Variants in INSR observed in about 807,000 individuals in gnomAD.
The protein encoded by INSR is IR.
A neutral mutation model predicts 142.6 loss-of-function variants in INSR; 67 were observed. The observed-to-expected ratio is 0.47, with a 90% CI of 0.39 to 0.58. The LOEUF (loss-of-function observed/expected upper bound fraction) is 0.58, where lower values mean the gene tolerates loss of function less well. Ranked by LOEUF, INSR falls within the 20% of genes least tolerant of loss-of-function variation. INSR has a pLI of 0.00. For missense variants in INSR, 1,248 were observed against 1,833.2 expected (o/e 0.68, Z 5.83); for synonymous variants, 756 against 743.1 (o/e 1.02, Z -0.28).
In INSR at chr19:7,114,263, G is replaced by A. The variant is rs9282760; in HGVS notation, c.*2793C>T. ...CACTTCAGGGGGATTCCATGGAACA[G>A]GTGGGAATGCTTGCTCTGAATCAAA... On this transcript the variant is annotated 3_prime_UTR_variant, in exon 22 of 22. Transcript: ENST00000302850. 2 of 152,166 alleles carry A rather than the reference G, an allele frequency of 1.3e-5. No homozygotes were observed. The highest frequency in any genetic ancestry group is 1.5e-5 in the Non-Finnish European group (1 of 68,070). The allele number at this position is 152,166 out of a possible 1,614,324, so 9.4% of individuals were successfully genotyped here. A position where few individuals can be genotyped will look rare whatever the true frequency, so the allele number is the denominator to read the frequency against.
intron 11 of INSR, among the ~76,000 whole-genome samples, chr19:7,149,850 G>A (rs1037409024): frequency 2.0e-5 from 3 of 149,816 alleles, no homozygotes; most frequent in African/African-American, 7.4e-5. Context: ...AAAGAAGGAA[G>A]GGAGGGAGGG....
chr19:7,117,998 C>T (rs1972379834), intron 21 of INSR, among the ~76,000 whole-genome samples: 1 of 151,722 alleles, frequency 6.6e-6, no homozygotes, highest in Non-Finnish European at 1.5e-5. Flanking sequence ...CCTTGAACTC[C>T]TGGGCTCAAG....
chr19:7,270,339 T>TCACACA (rs1178953100), intron 1 of INSR, among the ~76,000 whole-genome samples: 1,552 of 120,246 alleles, frequency 0.013, 39 homozygotes, highest in African/African-American at 0.046. Flanking sequence ...TCTCTCTCTC[T>TCACACA]CACACACACA....
intron 13 of INSR, among the ~76,000 whole-genome samples, chr19:7,133,454 G>T (rs1190565867): frequency 6.6e-6 from 1 of 152,118 alleles, no homozygotes; most frequent in East Asian, 1.9e-4. Context: ...TGTGTTATTA[G>T]CTATAGTCAC....
chr19:7,129,066 C>T (rs1972715533), intron 14 of INSR, 112 bp from the exon 15 acceptor site: 3 of 787,022 alleles, frequency 3.8e-6, no homozygotes, highest in Non-Finnish European at 6.5e-6. Flanking sequence ...CCTTCCCTCC[C>T]TTGTCCATAA....
At chr19:7,149,820 C>CA (rs200203455) in intron 11 of INSR, among the ~76,000 whole-genome samples, 4,327 of 142,880 alleles carry the variant, frequency 0.03, 222 homozygotes, top group African/African-American at 0.093. Flanking sequence ...GAAATTCCAT[C>CA]CAAAAAAAAA....
intron 2 of INSR, among the ~76,000 whole-genome samples, chr19:7,200,001 AATGTGTGAATCACTCGGGCT>A (rs1232438069): frequency 6.6e-6 from 1 of 152,164 alleles, no homozygotes; most frequent in East Asian, 1.9e-4. Context: ...AGTACATGCA[AATGTGTGAATCACTCGGGCT>A]ATGTTCAGAG....
chr19:7,222,127 T>A (rs1314056333), intron 2 of INSR, among the ~76,000 whole-genome samples: 12 of 126,282 alleles, frequency 9.5e-5, no homozygotes, highest in African/African-American at 1.2e-4. Flanking sequence ...ATGTCCTCGG[T>A]AAAAAAAAAA....
chr19:7,261,403 C>T (rs930882116), intron 2 of INSR, among the ~76,000 whole-genome samples: 7 of 152,160 alleles, frequency 4.6e-5, no homozygotes, highest in Non-Finnish European at 1.0e-4. Context: ...TGTAAGGCTT[C>T]GTGCATTGGA....
intron 2 of INSR, among the ~76,000 whole-genome samples, chr19:7,210,756 G>A (rs1975250917): frequency 6.6e-6 from 1 of 152,098 alleles, no homozygotes; most frequent in Non-Finnish European, 1.5e-5. Flanking sequence ...GAGAGACAGA[G>A]TCTTACTCTG....
intron 2 of INSR, among the ~76,000 whole-genome samples, chr19:7,256,822 T>G (rs537448445): frequency 1.0e-3 from 152 of 150,158 alleles, no homozygotes; most frequent in Non-Finnish European, 2.0e-3. Context: ...TTTTTTTGTT[T>G]GTTTCTCTCC....
intron 11 of INSR, among the ~76,000 whole-genome samples, chr19:7,148,445 T>C (rs1251263838): frequency 6.6e-6 from 1 of 150,806 alleles, no homozygotes; most frequent in Admixed American, 6.6e-5. Context: ...CCAAATATTA[T>C]TTATTATTAT....
At chr19:7,207,479 T>A (rs189918580) in intron 2 of INSR, among the ~76,000 whole-genome samples, 1 of 151,956 alleles carries the variant, frequency 6.6e-6, no homozygotes, top group African/African-American at 2.4e-5. Flanking sequence ...GCAGAAGGTA[T>A]ACCAAAGCCC....
chr19:7,268,288 C>T lies in INSR; in HGVS notation c.101-392G>A, dbSNP rs191190823. 36 of 264,108 alleles carry T rather than the reference C, an allele frequency of 1.4e-4. No individual in the cohort carries two copies. In the Admixed American group the frequency reaches 1.5e-3, roughly 11 times the overall value. 16.4% of individuals were successfully genotyped at this position (264,108 alleles called of 1,614,324 possible). ...AGATAATTTACGGGGATAAAGGTGC[C>T]CGCGGTCAGAAATGGGGCAAGGAAA... is the stretch of plus-strand genomic sequence containing the variant. On this transcript the variant is annotated intron_variant, in intron 1 of 21. Transcript: ENST00000302850.
chr19:7,198,965 C>T (rs1272278188), intron 2 of INSR, among the ~76,000 whole-genome samples: 2 of 151,864 alleles, frequency 1.3e-5, no homozygotes, highest in Non-Finnish European at 2.9e-5. Flanking sequence ...CCCACTGCAG[C>T]CTCAAACTCC....
chr19:7,253,844 C>A (rs1976807938), intron 2 of INSR, among the ~76,000 whole-genome samples: 1 of 151,678 alleles, frequency 6.6e-6, no homozygotes, highest in Non-Finnish European at 1.5e-5. Context: ...GCCTGGCCAA[C>A]CTGGTGAAAC....
chr19:7,165,367 TG>T (rs1229613439), intron 8 of INSR, among the ~76,000 whole-genome samples: 3 of 151,640 alleles, frequency 2.0e-5, no homozygotes, highest in Non-Finnish European at 4.4e-5. Context: ...AAGTAACAAG[TG>T]GGAAGAGGGA....
chr19:7,193,520 C>A (rs996534272), intron 2 of INSR, among the ~76,000 whole-genome samples: 27 of 148,612 alleles, frequency 1.8e-4, no homozygotes, highest in Admixed American at 1.0e-3. Flanking sequence ...CATAAAAAAA[C>A]AAACAAAAAA....
chr19:7,261,498 T>C lies in INSR; in HGVS notation c.652+5847A>G, dbSNP rs564552531. Among the ~76,000 whole-genome samples, 145 of 152,176 alleles carry C rather than the reference T, an allele frequency of 9.5e-4. 1 individual carries two copies. Among genetic ancestry groups the C allele is most frequent in the African/African-American group, 3.4e-3 (143 of 41,522 alleles). ...CTATGGATCATTAGCACATGCCATG[T>C]TTTTTTGTTTTTCTTTTAATTCCCC... On this transcript the variant is annotated intron_variant, in intron 2 of 21. Coordinates refer to ENST00000302850, the MANE Select transcript of INSR (RefSeq NM_000208.4).
Sources: gnomAD v4.1 joint callset for allele counts (sites outside exome capture counted in the v4.1 genomes callset) on GRCh38, gnomAD v4.1.1 for gene constraint, MANE v1.5 for transcripts, NCBI Gene and HGNC (gene_info 2026-07-23, HGNC 2026-07-21) for gene names.